The following MECOM variants were observed in gnomAD, a reference collection of about 807,000 sequenced individuals.
MECOM encodes MDS1 and EVI1 complex locus.
In MECOM, 13 loss-of-function variants were observed where a neutral mutation model predicts 116.3. That is an observed-to-expected ratio of 0.11 (90% CI 0.07 to 0.18). MECOM has a LOEUF of 0.18. MECOM is among the 10% of genes least tolerant of loss of function. The pLI, the probability that MECOM is intolerant of heterozygous loss-of-function variation, is 1.00. For synonymous variants in MECOM, 528 were observed against 535.2 expected (o/e 0.99, Z 0.19); for missense variants, 1,299 against 1,509.0 (o/e 0.86, Z 2.31).
chr3:169,485,971 T>TAC (rs201843192), intron 1 of MECOM, among the ~76,000 whole-genome samples: 1 of 64,180 alleles, frequency 1.6e-5, no homozygotes, highest in South Asian at 5.1e-4. Context: ...ATACTATATA[T>TAC]ACATATATAT....
intron 1 of MECOM, among the ~76,000 whole-genome samples, chr3:169,508,990 C>A (rs1755631533): frequency 6.6e-6 from 1 of 152,162 alleles, no homozygotes; most frequent in Non-Finnish European, 1.5e-5. Context: ...CCTAAAGAGT[C>A]TTATGCAAAT....
At chr3:169,473,008 A>G (rs1167274345) in intron 1 of MECOM, 1 of 979,952 alleles carries the variant, frequency 1.0e-6, no homozygotes, top group Non-Finnish European at 1.2e-6. Flanking sequence ...CAAATGTCAA[A>G]GATTTTTAAA....
At chr3:169,127,776 C>T in intron 5 of MECOM, 68 bp downstream of exon 5, 2 of 1,413,250 alleles carry the variant, frequency 1.4e-6, no homozygotes, top group South Asian at 2.4e-5. Context: ...CTGCACAAAG[C>T]CTCAAAATTC....
intron 1 of MECOM, among the ~76,000 whole-genome samples, chr3:169,457,914 C>G (rs1338741962): frequency 6.6e-6 from 1 of 152,142 alleles, no homozygotes; most frequent in East Asian, 1.9e-4. Context: ...TTTTTCTAAG[C>G]ACGAGGAAAG....
chr3:169,443,741 T>A (rs1330955758), intron 1 of MECOM, among the ~76,000 whole-genome samples: 1 of 152,246 alleles, frequency 6.6e-6, no homozygotes, highest in Non-Finnish European at 1.5e-5. Flanking sequence ...GGTCTGATGC[T>A]TGCTGTGCTC....
At chr3:169,533,595 T>TTTTTTTTA (rs1758940853) in intron 1 of MECOM, among the ~76,000 whole-genome samples, 2 of 151,176 alleles carry the variant, frequency 1.3e-5, no homozygotes, top group African/African-American at 2.4e-5. Flanking sequence ...TTTTTTTATT[T>TTTTTTTTA]CCTTATGTCG....
At chr3:169,227,562 A>T (rs1427560264) in intron 2 of MECOM, among the ~76,000 whole-genome samples, 1 of 152,178 alleles carries the variant, frequency 6.6e-6, no homozygotes, top group Non-Finnish European at 1.5e-5. Flanking sequence ...CAGAGATCTC[A>T]TGAACAGGCT....
intron 2 of MECOM, among the ~76,000 whole-genome samples, chr3:169,206,096 C>T (rs1174819175): frequency 6.6e-6 from 1 of 152,110 alleles, no homozygotes; most frequent in Admixed American, 6.6e-5. Context: ...ATCCTGGTTC[C>T]TGATGTAGTC....
intron 2 of MECOM, among the ~76,000 whole-genome samples, chr3:169,300,212 C>T (rs1716447367): frequency 6.6e-6 from 1 of 152,120 alleles, no homozygotes; most frequent in Non-Finnish European, 1.5e-5. Context: ...AGCCCACTGT[C>T]ATAATTACAG....
chr3:169,438,894 A>G lies in MECOM; in HGVS notation c.38-57370T>C, dbSNP rs182036809. 2.4e-3 allele frequency among the ~76,000 whole-genome samples: 364 copies of G among 152,276 alleles called. 2 individuals carry two copies. The highest frequency in any genetic ancestry group is 4.5e-3 in the Non-Finnish European group (304 of 68,024). On this transcript the variant is annotated intron_variant, in intron 1 of 16. Coordinates refer to ENST00000651503, the MANE Select transcript of MECOM (RefSeq NM_004991.4). ...CAAAATTTACTGTAATTGTGAATCT[A>G]GGTTGGGTGCTGGGGGCAAAGATTA...
intron 1 of MECOM, among the ~76,000 whole-genome samples, chr3:169,638,384 C>T (rs1773068250): frequency 6.6e-6 from 1 of 152,088 alleles, no homozygotes; most frequent in African/African-American, 2.4e-5. Flanking sequence ...GGTTTATCCC[C>T]AGCAGTCCTC....
intron 1 of MECOM, among the ~76,000 whole-genome samples, chr3:169,655,874 A>T (rs148879277): frequency 1.2e-3 from 186 of 152,356 alleles, no homozygotes; most frequent in African/African-American, 4.2e-3. Context: ...CATGTGCCTT[A>T]GGTACTTTGC....
At position 169,115,869 on chromosome 3, in the gene MECOM, A is replaced by G; in HGVS notation, c.2003T>C (p.Ile668Thr). The change falls in exon 8 of 17, where the codon ATT (isoleucine) becomes ACT (threonine). Residue 668 changes from isoleucine (I) to threonine (T), a missense_variant. Around this residue, in one of 6 missense-constraint regions of MECOM, gnomAD observed 340 missense variants for 312.6 expected, o/e 1.09. Transcript: ENST00000651503. ...VNDSIKAIASIAEKYFGSTGL... is the reference protein window; with the variant it reads ...VNDSIKAIASTAEKYFGSTGL... Reference sequence around the variant, plus strand: ...TGTTGAACCAAAGTATTTTTCAGCAATAGAAGCAATAGCCTTTATAGAATC... The same window carrying G: ...TGTTGAACCAAAGTATTTTTCAGCAGTAGAAGCAATAGCCTTTATAGAATC... The G allele has an allele frequency of 6.2e-7, 1 of 1,614,114 alleles. No individual in the cohort carries two copies. Among genetic ancestry groups the G allele is most frequent in the East Asian group, 2.2e-5 (1 of 44,888 alleles).
intron 2 of MECOM, among the ~76,000 whole-genome samples, chr3:169,365,289 G>A (rs577026462): frequency 2.0e-5 from 3 of 152,178 alleles, no homozygotes; most frequent in African/African-American, 7.2e-5. Context: ...GATAACAGAC[G>A]TAAAACTGAT....
At chr3:169,109,893 A>G (rs1361832373) in intron 9 of MECOM, among the ~76,000 whole-genome samples, 1 of 152,326 alleles carries the variant, frequency 6.6e-6, no homozygotes, top group Admixed American at 6.5e-5. Context: ...AAAGATATTC[A>G]AAAATTGTAA....
chr3:169,456,383 T>C (rs1186978473), intron 1 of MECOM, among the ~76,000 whole-genome samples: 4 of 152,212 alleles, frequency 2.6e-5, no homozygotes, highest in South Asian at 4.1e-4. Context: ...GACCCCCTAG[T>C]TGACAAATCA....
chr3:169,549,331 A>C (rs1761096609), intron 1 of MECOM, among the ~76,000 whole-genome samples: 1 of 152,048 alleles, frequency 6.6e-6, no homozygotes, highest in Admixed American at 6.6e-5. Context: ...AGGAGTGACC[A>C]AGAAACTTGA....
chr3:169,595,942 GTCAATT>G (rs1307991281), intron 1 of MECOM, among the ~76,000 whole-genome samples: 1 of 147,634 alleles, frequency 6.8e-6, no homozygotes, highest in African/African-American at 2.5e-5. Context: ...CATTCATATA[GTCAATT>G]TCAATCAGAC....
intron 2 of MECOM, among the ~76,000 whole-genome samples, chr3:169,244,241 A>G (rs2149560676): frequency 6.6e-6 from 1 of 152,324 alleles, no homozygotes; most frequent in African/African-American, 2.4e-5. Flanking sequence ...ACAAGCAACC[A>G]ACATTTCACA....
Sources: gnomAD v4.1 joint callset for allele counts (sites outside exome capture counted in the v4.1 genomes callset) on GRCh38, gnomAD v4.1.1 for gene constraint, gnomAD v4.1.1 regional missense constraint, MANE v1.5 for transcripts, NCBI Gene and HGNC (gene_info 2026-07-23, HGNC 2026-07-21) for gene names.